Variants in TRPC5 observed in about 807,000 individuals in gnomAD.
TRPC5 encodes the protein short transient receptor potential channel 5.
Under a neutral mutation model 56.5 loss-of-function variants are expected in TRPC5, and 9 were observed. That is an observed-to-expected ratio of 0.16 (90% CI 0.10 to 0.28). TRPC5 has a LOEUF of 0.28. Among genes scored for constraint, TRPC5 ranks in the 10% least tolerant of loss-of-function variants. TRPC5 has a pLI of 1.00. For synonymous variants in TRPC5, 282 were observed against 278.5 expected, an observed-to-expected ratio of 1.01 and a Z score of -0.13; for missense variants, 469 against 748.9, an observed-to-expected ratio of 0.63 and a Z score of 4.36.
chrX:111,958,125 G>A lies in TRPC5; in HGVS notation c.-21-5684C>T, dbSNP rs754689284. ...TCTGCTCTTTAAACCTGTCAAACAT[G>A]TGATCACATAGGGGTCCTTACACTT... On this transcript the variant is annotated intron_variant, in intron 1 of 10. Coordinates refer to ENST00000262839, the MANE Select transcript of TRPC5 (RefSeq NM_012471.3). Among the ~76,000 whole-genome samples the A allele has an allele frequency of 1.5e-3, 162 of 111,706 alleles. 1 individual carries two copies. Among genetic ancestry groups the A allele is most frequent in the African/African-American group, 4.9e-3 (152 of 30,758 alleles).
At chrX:111,887,307 A>G (rs1457727038) in intron 3 of TRPC5, among the ~76,000 whole-genome samples, 1 of 112,317 alleles carries the variant, frequency 8.9e-6, no homozygotes, top group Non-Finnish European at 1.9e-5. Flanking sequence ...TCTTTCTTGG[A>G]GAGAGTGCCA....
At chrX:111,932,463 G>C (rs147323811) in intron 2 of TRPC5, among the ~76,000 whole-genome samples, 4,523 of 110,768 alleles carry the variant, frequency 0.041, 115 homozygotes, top group Non-Finnish European at 0.063. Context: ...GTCATCTAAG[G>C]AAGAAGACAG....
At chrX:111,924,851 T>G (rs964260492) in intron 2 of TRPC5, among the ~76,000 whole-genome samples, 1 of 112,097 alleles carries the variant, frequency 8.9e-6, no homozygotes, top group African/African-American at 3.2e-5. Context: ...GCAGCAGGAG[T>G]TAATTCCTCT....
chrX:111,825,217 TTCTTCTTTCTTTCTC>T (rs1569525926), intron 7 of TRPC5, among the ~76,000 whole-genome samples: 88 of 80,665 alleles, frequency 1.1e-3, no homozygotes, highest in Middle Eastern at 6.0e-3. Flanking sequence ...CTTTCTTTCT[TTCTTCTTTCTTTCTC>T]TCTCTCTCTC....
At chrX:111,898,383 C>G (rs1925177272) in intron 3 of TRPC5, among the ~76,000 whole-genome samples, 1 of 108,567 alleles carries the variant, frequency 9.2e-6, no homozygotes, top group Non-Finnish European at 1.9e-5. Flanking sequence ...AATATTTTCT[C>G]TCAGTCTCTG....
At chrX:111,935,622 A>G (rs1926548847) in intron 2 of TRPC5, among the ~76,000 whole-genome samples, 1 of 111,423 alleles carries the variant, frequency 9.0e-6, no homozygotes, top group Non-Finnish European at 1.9e-5. Context: ...GTAAGCCTTT[A>G]TTTCATTTTG....
chrX:111,808,747 A>G (rs1921604161), intron 7 of TRPC5, among the ~76,000 whole-genome samples: 1 of 109,573 alleles, frequency 9.1e-6, no homozygotes, highest in South Asian at 4.0e-4. Flanking sequence ...AGCTGAGAAT[A>G]ATGCTGGGCC....
intron 3 of TRPC5, among the ~76,000 whole-genome samples, chrX:111,885,080 A>G (rs1392439525): frequency 8.9e-6 from 1 of 112,962 alleles, no homozygotes; most frequent in Non-Finnish European, 1.9e-5. Flanking sequence ...AAGCCTAGTC[A>G]ACTCAGTGAA....
At chrX:111,786,122 C>A (rs1945961674) in intron 7 of TRPC5, among the ~76,000 whole-genome samples, 1 of 111,029 alleles carries the variant, frequency 9.0e-6, no homozygotes, top group Admixed American at 9.6e-5. Flanking sequence ...TTCAGATTCA[C>A]CAAAGTCAAA....
chrX:111,895,972 C>T (rs1050894112), intron 3 of TRPC5: 2 of 111,107 alleles, frequency 1.8e-5, no homozygotes, highest in African/African-American at 6.6e-5. Context: ...AGGTGGAGAC[C>T]GGTGGCCTGT....
At chrX:111,989,273 G>A (rs776278889) in intron 1 of TRPC5, among the ~76,000 whole-genome samples, 13 of 111,768 alleles carry the variant, frequency 1.2e-4, no homozygotes, top group African/African-American at 4.2e-4. Context: ...CAGACCCCAT[G>A]AGCAAAGTTA....
At chrX:112,052,597 A>G (rs1930242047) in intron 1 of TRPC5, among the ~76,000 whole-genome samples, 1 of 111,604 alleles carries the variant, frequency 9.0e-6, no homozygotes, top group Non-Finnish European at 1.9e-5. Context: ...CACTCTGTTG[A>G]GTCCTTTGAT....
intron 1 of TRPC5, among the ~76,000 whole-genome samples, chrX:111,953,196 A>C (rs377379335): frequency 8.9e-5 from 10 of 112,152 alleles, no homozygotes; most frequent in African/African-American, 2.6e-4. Context: ...GTGCCTGCTC[A>C]TGATTTTTTC....
At chrX:111,847,496 C>T in intron 5 of TRPC5, 60 bp from the exon 6 acceptor site, 1 of 1,066,278 alleles carries the variant, frequency 9.4e-7, no homozygotes, top group Non-Finnish European at 1.3e-6. Context: ...AAAACTTTCC[C>T]TTTTTTCCTT....
chrX:111,816,569 C>A (rs1488777938), intron 7 of TRPC5, among the ~76,000 whole-genome samples: 1 of 112,065 alleles, frequency 8.9e-6, no homozygotes, highest in Non-Finnish European at 1.9e-5. Flanking sequence ...TTAAAATTCA[C>A]GATTTCTCAT....
chrX:112,023,285 A>G (rs1446888874), intron 1 of TRPC5, among the ~76,000 whole-genome samples: 30 of 64,016 alleles, frequency 4.7e-4, no homozygotes, highest in Non-Finnish European at 8.1e-4. Context: ...TACAAACAGG[A>G]CTTAGTTACT....
chrX:111,858,648 C>T (rs1923308835), intron 3 of TRPC5, among the ~76,000 whole-genome samples: 1 of 110,559 alleles, frequency 9.0e-6, no homozygotes, highest in African/African-American at 3.3e-5. Flanking sequence ...CAGGAATATC[C>T]CTCGAGTCTG....
intron 3 of TRPC5, among the ~76,000 whole-genome samples, chrX:111,873,217 T>C (rs892009413): frequency 2.7e-5 from 3 of 112,018 alleles, no homozygotes; most frequent in African/African-American, 9.7e-5. Context: ...TGGATGGAGC[T>C]GGAGGTAATT....
intron 3 of TRPC5, among the ~76,000 whole-genome samples, chrX:111,906,352 T>TA (rs1449444864): frequency 4.7e-5 from 2 of 42,118 alleles, no homozygotes; most frequent in Non-Finnish European, 8.1e-5. Context: ...GAAACTCTGT[T>TA]TAAAAAAACA....
Sources: gnomAD v4.1 joint callset for allele counts (sites outside exome capture counted in the v4.1 genomes callset) on GRCh38, gnomAD v4.1.1 for gene constraint, MANE v1.5 for transcripts, NCBI Gene and HGNC (gene_info 2026-07-23, HGNC 2026-07-21) for gene names.